The following TENM2 variants were observed in gnomAD, a reference collection of about 807,000 sequenced individuals.
TENM2 encodes the protein teneurin-2.
TENM2 carries 52 observed loss-of-function variants against 245.2 expected under a neutral mutation model. That is an observed-to-expected ratio of 0.21 (90% CI 0.17 to 0.27). The LOEUF (loss-of-function observed/expected upper bound fraction) is 0.27. TENM2 is among the 10% of genes least tolerant of loss of function. TENM2 has a pLI of 1.00. For missense variants in TENM2, 3,046 were observed against 3,666.8 expected (o/e 0.83, Z 4.37); for synonymous variants, 1,363 against 1,438.9 (o/e 0.95, Z 1.19).
At chr5:167,193,913 A>AT in the TENM2 span, among the ~76,000 whole-genome samples, 1 of 151,992 alleles carries the variant, frequency 6.6e-6, no homozygotes. Context: ...AGCAAACATA[A>AT]TTTTTTATTT....
intron 1 of TENM2, among the ~76,000 whole-genome samples, chr5:167,289,326 CAG>C (rs1754505427): frequency 6.6e-6 from 1 of 152,146 alleles, no homozygotes; most frequent in South Asian, 2.1e-4. Context: ...CCCAGTGGGC[CAG>C]AGAGTTCAGC....
At chr5:167,789,984 A>G (rs1175103828) in intron 2 of TENM2, among the ~76,000 whole-genome samples, 1 of 152,264 alleles carries the variant, frequency 6.6e-6, no homozygotes, top group Non-Finnish European at 1.5e-5. Flanking sequence ...ACTAGATCCC[A>G]TTAGAGTTTA....
chr5:167,369,029 TA>T lies in TENM2; in HGVS notation c.227-6165del, dbSNP rs139432070. Among the ~76,000 whole-genome samples, 4,640 of 152,232 alleles carry T rather than the reference TA, an allele frequency of 0.03. 366 individuals carry two copies. The East Asian group carries it at 0.31, about 10-fold the overall frequency. The stretch of plus-strand genomic sequence containing the variant: ...TTAAAATTTTACTCTGGTGTGTTTG[TA>T]AAAGTGTAGGGATGGGGCTCCTTGC... On this transcript the variant is annotated intron_variant, in intron 1 of 28. Coordinates refer to ENST00000518659, the Ensembl canonical transcript of TENM2.
chr5:167,644,000 TGTATC>T (rs1311536894), intron 2 of TENM2, among the ~76,000 whole-genome samples: 3 of 152,208 alleles, frequency 2.0e-5, no homozygotes, highest in Admixed American at 6.6e-5. Context: ...ATTCTAATAT[TGTATC>T]AGAAGGATTG....
At chr5:167,980,579 A>G (rs1782761872) in intron 4 of TENM2, among the ~76,000 whole-genome samples, 1 of 152,196 alleles carries the variant, frequency 6.6e-6, no homozygotes, top group African/African-American at 2.4e-5. Flanking sequence ...GACCTCGACC[A>G]TCACAAGACG....
chr5:167,959,200 T>TC (rs1487883837), intron 4 of TENM2, among the ~76,000 whole-genome samples: 1 of 150,794 alleles, frequency 6.6e-6, no homozygotes, highest in Non-Finnish European at 1.5e-5. Context: ...TTTTTTTTTT[T>TC]TTTTCTTTTT....
intron 2 of TENM2, among the ~76,000 whole-genome samples, chr5:167,742,241 T>C (rs1582888132): frequency 1.3e-5 from 2 of 152,242 alleles, no homozygotes; most frequent in East Asian, 3.9e-4. Flanking sequence ...TATTTGGAGC[T>C]CACTATCCCC....
chr5:167,195,527 A>G, the TENM2 span, among the ~76,000 whole-genome samples: 1 of 152,040 alleles, frequency 6.6e-6, no homozygotes, highest in African/African-American at 2.4e-5. Flanking sequence ...AGCTACAGAC[A>G]ACATGTACAT....
At chr5:167,733,389 A>G (rs530233304) in intron 2 of TENM2, among the ~76,000 whole-genome samples, 3 of 152,210 alleles carry the variant, frequency 2.0e-5, no homozygotes, top group African/African-American at 4.8e-5. Context: ...TATTCTCACT[A>G]TGACTAATTT....
the TENM2 span, among the ~76,000 whole-genome samples, chr5:167,182,312 C>T: frequency 4.6e-5 from 7 of 152,060 alleles, 1 homozygote; most frequent in South Asian, 1.2e-3. Context: ...TAGGTTGCTA[C>T]AGTACTTCAG....
chr5:167,560,497 G>A (rs1175141155), intron 2 of TENM2, among the ~76,000 whole-genome samples: 4 of 152,022 alleles, frequency 2.6e-5, no homozygotes, highest in African/African-American at 4.8e-5. Context: ...CACCAGAAAG[G>A]GAAGAGTGCC....
intron 1 of TENM2, among the ~76,000 whole-genome samples, chr5:167,362,984 A>C (rs1759805992): frequency 6.6e-6 from 1 of 152,210 alleles, no homozygotes; most frequent in South Asian, 2.1e-4. Flanking sequence ...ACAAGATGCA[A>C]GTACTATTAT....
At chr5:167,100,422 G>A in the TENM2 span, among the ~76,000 whole-genome samples, 2 of 152,112 alleles carry the variant, frequency 1.3e-5, no homozygotes, top group African/African-American at 4.8e-5. Flanking sequence ...CAGTTACCAC[G>A]TGTTTGTTGT....
intron 23 of TENM2, among the ~76,000 whole-genome samples, chr5:168,223,994 T>C (rs1323975348): frequency 6.6e-6 from 1 of 152,204 alleles, no homozygotes; most frequent in Non-Finnish European, 1.5e-5. Context: ...TAGATTTGTG[T>C]ATGCCAATAA....
At chr5:167,272,935 A>G in the TENM2 span, among the ~76,000 whole-genome samples, 1 of 152,178 alleles carries the variant, frequency 6.6e-6, no homozygotes, top group Non-Finnish European at 1.5e-5. Context: ...TCACCTGTGC[A>G]TCCTTATTGC....
At chr5:167,374,311 A>C (rs2127307788) in intron 1 of TENM2, among the ~76,000 whole-genome samples, 1 of 152,346 alleles carries the variant, frequency 6.6e-6, no homozygotes, top group African/African-American at 2.4e-5. Flanking sequence ...TAAGAGCAGT[A>C]GGCTAAACCT....
At chr5:168,013,005 A>G (rs902497227) in intron 5 of TENM2, among the ~76,000 whole-genome samples, 3 of 152,116 alleles carry the variant, frequency 2.0e-5, no homozygotes, top group Non-Finnish European at 4.4e-5. Flanking sequence ...GCAGCTCCAC[A>G]TATCACATCC....
intron 2 of TENM2, among the ~76,000 whole-genome samples, chr5:167,859,807 AG>A: frequency 1.5e-5 from 1 of 66,680 alleles, no homozygotes; most frequent in Non-Finnish European, 3.0e-5. Flanking sequence ...CCGCCCGGCC[AG>A]CCGCCCCGTC....
intron 10 of TENM2, among the ~76,000 whole-genome samples, 179 bp from the exon 13 acceptor site, chr5:168,124,671 C>G (rs1795713336): frequency 6.6e-6 from 1 of 152,130 alleles, no homozygotes; most frequent in Admixed American, 6.5e-5. Flanking sequence ...AAGGCTTTTA[C>G]TTTTTATGGG....
Sources: allele counts gnomAD v4.1 joint callset (sites outside exome capture counted in the v4.1 genomes callset), GRCh38; gene constraint gnomAD v4.1.1; transcripts MANE v1.5; gene names NCBI Gene and HGNC (gene_info 2026-07-23, HGNC 2026-07-21).